Variants in ACSL6 observed in about 807,000 individuals in gnomAD.
ACSL6 encodes long-chain-fatty-acid--CoA ligase 6.
ACSL6 carries 47 observed loss-of-function variants against 98.2 expected under a neutral mutation model. The ratio of observed to expected loss-of-function variants is 0.48; its 90% CI spans 0.38 to 0.61. ACSL6 has a LOEUF of 0.61. Ranked by LOEUF, ACSL6 falls within the 20% of genes least tolerant of loss-of-function variation. The pLI, the probability that ACSL6 is intolerant of heterozygous loss-of-function variation, is 0.00. For missense variants in ACSL6, 761 were observed against 913.4 expected (o/e 0.83, Z 2.15); for synonymous variants, 362 against 336.9 (o/e 1.07, Z -0.82).
Position 131,970,204 on chromosome 5 carries a change from C to G in ACSL6, c.1435-4G>C. On this transcript the variant is annotated splice_polypyrimidine_tract_variant and splice_region_variant and intron_variant, in intron 14 of 20. Transcript: ENST00000651883. ...TTTGGCCATAACCTTCATAAACCTT[C>G]AAACAAAACACAGAAGCCACACTAT... The G allele has an allele frequency of 6.2e-7, 1 of 1,613,946 alleles. No homozygotes were observed. The highest frequency in any genetic ancestry group is 8.5e-7 in the Non-Finnish European group (1 of 1,179,952).
chr5:131,975,844 G>A (rs1338283991), intron 10 of ACSL6: 1 of 985,340 alleles, frequency 1.0e-6, no homozygotes, highest in Non-Finnish European at 1.2e-6. Context: ...TCCTGTGCTG[G>A]CTTTTGGGCC....
chr5:132,012,184 C>T (rs1286614004), upstream of ACSL6: 1 of 447,200 alleles, frequency 2.2e-6, no homozygotes, highest in Non-Finnish European at 3.9e-6. Context: ...CTCCGGGTGC[C>T]ACCTCTGCAA....
chr5:131,970,157 G>A lies in ACSL6; in HGVS notation c.1478C>T (p.Thr493Ile), dbSNP rs140723172. ...GGTCCAGTCGCCAGGAGTGGTGAAGGTACATCCAGCTGTGCACTCAGTTTG... is the reference window on the plus strand; with the variant it reads ...GGTCCAGTCGCCAGGAGTGGTGAAGATACATCCAGCTGTGCACTCAGTTTG... ...YGQTECTAGC[T>I]FTTPGDWTSG... Residue 493 changes from threonine to isoleucine, a missense_variant, in exon 15 of 21, where the codon ACC (threonine) becomes ATC (isoleucine). By Grantham distance (89) the Thr-to-Ile change is moderately conservative. Transcript: ENST00000651883. 1.8e-5 allele frequency: 29 copies of A among 1,613,918 alleles called. No individual in the cohort carries two copies. The highest frequency in any genetic ancestry group is 2.5e-5 in the Non-Finnish European group (29 of 1,180,032).
rs374818404 is a variant in ACSL6 at position 131,975,144 on chromosome 5, G to A, written c.991-174C>T. The A allele has an allele frequency of 1.1e-4, 155 of 1,411,080 alleles. 3 individuals carry two copies. In the East Asian group the frequency reaches 1.2e-3, roughly 11 times the overall value. 87.4% of individuals were successfully genotyped at this position (1,411,080 alleles called of 1,614,324 possible). ...GTGAGATGAAAGAGAGAAGAAATGAGAGAGAGAGGGAGAGAGAGAGGGAGG... is the reference window on the plus strand; with the variant it reads ...GTGAGATGAAAGAGAGAAGAAATGAAAGAGAGAGGGAGAGAGAGAGGGAGG... On this transcript the variant is annotated intron_variant, in intron 10 of 20. Transcript: ENST00000651883.
intron 7 of ACSL6, among the ~76,000 whole-genome samples, chr5:131,987,463 G>A (rs1036785140): frequency 1.2e-5 from 1 of 84,278 alleles, no homozygotes; most frequent in African/African-American, 2.6e-5. Flanking sequence ...AGCACATAGG[G>A]AGGCAGGAGA....
chr5:131,969,573 T>A (rs1475612337), intron 15 of ACSL6, among the ~76,000 whole-genome samples: 1 of 152,124 alleles, frequency 6.6e-6, no homozygotes, highest in Non-Finnish European at 1.5e-5. Context: ...GTTTATAATA[T>A]CAGTATATTG....
In ACSL6 at chr5:131,971,139, C is replaced by T. The variant is rs141844741; in HGVS notation, c.1434+411G>A. 3.2e-3 allele frequency among the ~76,000 whole-genome samples: 483 copies of T among 152,324 alleles called. 4 individuals carry two copies. Among genetic ancestry groups the T allele is most frequent in the African/African-American group, 0.011 (462 of 41,580 alleles). ...AAATAAACTTTTAGAGATGACAAAA[C>T]ATAATAGATCAAATAACACATAAAT... On this transcript the variant is annotated intron_variant, in intron 14 of 20. Coordinates refer to ENST00000651883, the MANE Select transcript of ACSL6 (RefSeq NM_001009185.3).
intron 9 of ACSL6, among the ~76,000 whole-genome samples, 188 bp from the exon 10 acceptor site, chr5:131,976,909 C>G (rs560717161): frequency 6.6e-6 from 1 of 152,288 alleles, no homozygotes; most frequent in East Asian, 1.9e-4. Context: ...TAGACATAGC[C>G]TACCATTAGG....
chr5:131,973,249 C>T lies in ACSL6; in HGVS notation c.1203+17G>A, dbSNP rs780425581. 1 of 1,612,392 alleles carries T rather than the reference C, an allele frequency of 6.2e-7. No homozygotes were observed. Among genetic ancestry groups the T allele is most frequent in the East Asian group, 2.2e-5 (1 of 44,862 alleles). ...TGCAGCCCCTCAGCCTGGCTGAAGA[C>T]TCCCTGCAGAACTTACCTTGTCGTA... On this transcript the variant is annotated intron_variant, in intron 12 of 20. Transcript: ENST00000651883.
Position 131,990,831 on chromosome 5 carries a change from C to G in ACSL6, c.385+22G>C, listed in dbSNP as rs752318537. The G allele has an allele frequency of 1.0e-5, 13 of 1,260,352 alleles. No individual in the cohort carries two copies. In the Admixed American group the frequency reaches 2.4e-4, roughly 23 times the overall value. The allele number at this position is 1,260,352 out of a possible 1,614,324, so 78.1% of individuals were successfully genotyped here. A position where few individuals can be genotyped will look rare whatever the true frequency, so the allele number is the denominator to read the frequency against. ...CCCCTGCCACACAGCCCCTCCACAC[C>G]CCCCCCCACAACCCTTCTCACCTGA... On this transcript the variant is annotated intron_variant, in intron 3 of 20. Transcript: ENST00000651883.
At chr5:132,009,330 T>C (rs898095707) in intron 1 of ACSL6, among the ~76,000 whole-genome samples, 3 of 152,170 alleles carry the variant, frequency 2.0e-5, no homozygotes, top group African/African-American at 7.2e-5. Context: ...AGACATTGCC[T>C]CCTGTTACTG....
rs1452117429 is a variant in ACSL6, at chr5:131,959,652, T to A, written c.1960-45A>T. On this transcript the variant is annotated intron_variant, in intron 19 of 20. Transcript: ENST00000651883. ...AAAAATTACAAGACAAGAACACATTTCAAAATGGAGGTAGAGGAAACAACA... is the reference window on the plus strand; with the variant it reads ...AAAAATTACAAGACAAGAACACATTACAAAATGGAGGTAGAGGAAACAACA... 3.8e-6 allele frequency: 6 copies of A among 1,576,880 alleles called. No individual in the cohort carries two copies. The South Asian group carries it at 6.6e-5, about 17-fold the overall frequency.
At chr5:132,000,061 C>T (rs1425434261) in intron 1 of ACSL6, among the ~76,000 whole-genome samples, 1 of 151,944 alleles carries the variant, frequency 6.6e-6, no homozygotes, top group Non-Finnish European at 1.5e-5. Flanking sequence ...GATGCTAGCT[C>T]TCTGGCACTG....
chr5:132,009,811 G>C (rs1321365985), intron 1 of ACSL6, among the ~76,000 whole-genome samples: 1 of 152,152 alleles, frequency 6.6e-6, no homozygotes, highest in Non-Finnish European at 1.5e-5. Context: ...ACCCCACAGG[G>C]TGAGGGACTT....
intron 2 of ACSL6, 132 bp downstream of exon 2, chr5:131,993,899 G>A (rs1303343475): frequency 3.3e-6 from 3 of 900,484 alleles, no homozygotes; most frequent in African/African-American, 1.7e-5. Flanking sequence ...AGAGCTAAGT[G>A]GCTGACTGCC....
intron 1 of ACSL6, among the ~76,000 whole-genome samples, chr5:132,004,483 T>C (rs553845308): frequency 6.6e-6 from 1 of 152,232 alleles, no homozygotes; most frequent in African/African-American, 2.4e-5. Flanking sequence ...GCTCCACAGA[T>C]CTCCTGAAAT....
intron 14 of ACSL6, 121 bp from the exon 15 acceptor site, chr5:131,970,321 G>C (rs534080041): frequency 1.3e-6 from 1 of 782,828 alleles, no homozygotes; most frequent in African/African-American, 1.7e-5. Flanking sequence ...TCAGGGCGAT[G>C]GAGGGAGGGA....
rs924410694 is a variant in ACSL6 at position 131,951,586 on chromosome 5, T to C, written c.*2648A>G. ...AAAGAAGAAACCTTGTTTTTGTTTT[T>C]TTTTTTTCTTTCTTTTTGAGACGGA... On this transcript the variant is annotated 3_prime_UTR_variant, in exon 21 of 21. Coordinates refer to ENST00000651883, the MANE Select transcript of ACSL6 (RefSeq NM_001009185.3). 1 of 183,468 alleles carries C rather than the reference T, an allele frequency of 5.5e-6. No homozygotes were observed. The highest frequency in any genetic ancestry group is 1.2e-5 in the Non-Finnish European group (1 of 86,454). The allele number at this position is 183,468 out of a possible 1,614,324, so 11.4% of individuals were successfully genotyped here.
At position 131,990,951 on chromosome 5, in the gene ACSL6, C is replaced by G. The variant is rs372021457; in HGVS notation, c.287G>C (p.Arg96Pro). 3.1e-6 allele frequency: 5 copies of G among 1,610,056 alleles called. No individual in the cohort carries two copies. The highest frequency in any genetic ancestry group is 4.2e-6 in the Non-Finnish European group (5 of 1,177,492). ...AGGGCCAGACCCAATCACAGATCGC[C>G]GTGCCCCGCCACTGTCCTACAAGCC... ...SEEVEDSGGA[R>P]RSVIGSGPQL... Residue 96 changes from arginine to proline, a missense_variant, in exon 3 of 21, where the codon CGG (arginine) becomes CCG (proline). By Grantham distance (103) the Arg-to-Pro change is moderately radical. Coordinates refer to ENST00000651883, the MANE Select transcript of ACSL6 (RefSeq NM_001009185.3).
Sources: allele counts gnomAD v4.1 joint callset (sites outside exome capture counted in the v4.1 genomes callset), GRCh38; gene constraint gnomAD v4.1.1; transcripts MANE v1.5; gene names NCBI Gene and HGNC (gene_info 2026-07-23, HGNC 2026-07-21).